Variants in SIK2 observed in about 807,000 individuals in gnomAD.
The protein encoded by SIK2 is serine/threonine-protein kinase SIK2.
Under a neutral mutation model 103.2 loss-of-function variants are expected in SIK2, and 29 were observed. The ratio of observed to expected loss-of-function variants is 0.28; its 90% CI spans 0.21 to 0.38. The LOEUF (loss-of-function observed/expected upper bound fraction) is 0.38. SIK2 is among the 10% of genes least tolerant of loss of function. SIK2 has a pLI of 1.00. For synonymous variants in SIK2, 412 were observed against 446.1 expected (o/e 0.92, Z 0.96); for missense variants, 879 against 1,171.0 (o/e 0.75, Z 3.64).
intron 3 of SIK2, among the ~76,000 whole-genome samples, chr11:111,660,788 A>G (rs528627674): frequency 2.0e-5 from 3 of 149,558 alleles, no homozygotes; most frequent in East Asian, 2.0e-4. Flanking sequence ...GTAAAGACAT[A>G]CTTTCCAAAA....
At position 111,723,853 on chromosome 11, in the gene SIK2, A is replaced by G; in HGVS notation, c.2505A>G (p.Pro835=). ...PPPPPPPPRQ[P]GAAPAPLQFS... ...CACCCCCTCCACCACCACGACAGCC[A>G]GGAGCTGCCCCAGCCCCCTTACAGT... is the stretch of plus-strand genomic sequence containing the variant. Residue 835 remains proline (P), a synonymous_variant, in exon 15 of 15, where the codon CCA becomes CCG. Transcript: ENST00000304987. The G allele has an allele frequency of 7.3e-7, 1 of 1,373,320 alleles. No individual in the cohort carries two copies. Among genetic ancestry groups the G allele is most frequent in the Non-Finnish European group, 9.7e-7 (1 of 1,028,576 alleles). 85.1% of individuals were successfully genotyped at this position (1,373,320 alleles called of 1,614,324 possible).
At chr11:111,664,909 C>G (rs1349840321) in intron 3 of SIK2, among the ~76,000 whole-genome samples, 1 of 152,076 alleles carries the variant, frequency 6.6e-6, no homozygotes, top group Non-Finnish European at 1.5e-5. Flanking sequence ...CTTTAGAGCA[C>G]TTTCAGGAAG....
intron 12 of SIK2, among the ~76,000 whole-genome samples, 172 bp from the exon 13 acceptor site, chr11:111,721,658 G>A (rs1372324792): frequency 6.6e-6 from 1 of 152,174 alleles, no homozygotes; most frequent in Non-Finnish European, 1.5e-5. Context: ...ATGCATAAAT[G>A]TTCTGCAGAG....
chr11:111,693,497 T>C (rs1378554493), intron 4 of SIK2, among the ~76,000 whole-genome samples: 2 of 152,216 alleles, frequency 1.3e-5, no homozygotes, highest in East Asian at 1.9e-4. Flanking sequence ...GTTTTAGTAA[T>C]TGCAGTACTA....
chr11:111,703,522 C>A, intron 7 of SIK2, 99 bp downstream of exon 7: 1 of 1,013,222 alleles, frequency 9.9e-7, no homozygotes, highest in South Asian at 1.4e-5. Context: ...GTATCTCCAG[C>A]GCCTAGGCGT....
chr11:111,726,975 C>T lies in SIK2; in HGVS notation c.*2846C>T. On this transcript the variant is annotated 3_prime_UTR_variant, in exon 15 of 15. Coordinates refer to ENST00000304987, the MANE Select transcript of SIK2 (RefSeq NM_015191.3). ...TTTAAATCTGGGGTATTAGTCTGTG[C>T]TTTGGGAGAAATGCACTAGCTCTGC... 2 of 1,613,808 alleles carry T rather than the reference C, an allele frequency of 1.2e-6. No individual in the cohort carries two copies. Among genetic ancestry groups the T allele is most frequent in the South Asian group, 1.1e-5 (1 of 91,084 alleles).
intron 3 of SIK2, among the ~76,000 whole-genome samples, chr11:111,666,350 A>C (rs1405822215): frequency 6.6e-6 from 1 of 152,112 alleles, no homozygotes; most frequent in East Asian, 1.9e-4. Flanking sequence ...AATTAATTGG[A>C]ATCTTTGTAG....
chr11:111,629,102 G>A (rs956066537), intron 3 of SIK2, among the ~76,000 whole-genome samples: 1 of 152,172 alleles, frequency 6.6e-6, no homozygotes, highest in Admixed American at 6.5e-5. Flanking sequence ...GTGAGAGGCT[G>A]AATGTTTGGG....
chr11:111,639,101 A>G (rs1377361761), intron 3 of SIK2, among the ~76,000 whole-genome samples: 1 of 152,212 alleles, frequency 6.6e-6, no homozygotes, highest in African/African-American at 2.4e-5. Flanking sequence ...AATGATCAGT[A>G]AACAGTCTCC....
intron 4 of SIK2, among the ~76,000 whole-genome samples, chr11:111,692,970 G>C (rs541889204): frequency 6.6e-6 from 1 of 152,148 alleles, no homozygotes; most frequent in South Asian, 2.1e-4. Flanking sequence ...ATCAAACATG[G>C]TTCATTTTAA....
chr11:111,657,369 T>G (rs1055230100), intron 3 of SIK2, among the ~76,000 whole-genome samples: 9 of 152,108 alleles, frequency 5.9e-5, no homozygotes, highest in African/African-American at 2.2e-4. Context: ...AATTAGAATA[T>G]ACTGGGGGTC....
At chr11:111,643,356 A>G (rs574926765) in intron 3 of SIK2, among the ~76,000 whole-genome samples, 1 of 152,138 alleles carries the variant, frequency 6.6e-6, no homozygotes, top group Non-Finnish European at 1.5e-5. Context: ...TAGCTAATGC[A>G]TGCAGGGCTT....
At chr11:111,623,181 T>C (rs948361205) in intron 3 of SIK2, among the ~76,000 whole-genome samples, 3 of 152,226 alleles carry the variant, frequency 2.0e-5, no homozygotes, top group Non-Finnish European at 4.4e-5. Flanking sequence ...ATTAATCCCA[T>C]CCAGTGTATT....
chr11:111,721,666 G>A (rs574943896), intron 12 of SIK2, among the ~76,000 whole-genome samples, 164 bp from the exon 13 acceptor site: 2 of 152,336 alleles, frequency 1.3e-5, no homozygotes, highest in Middle Eastern at 3.4e-3. Flanking sequence ...ATGTTCTGCA[G>A]AGTAATGAGC....
At chr11:111,658,681 C>A (rs1237221307) in intron 3 of SIK2, among the ~76,000 whole-genome samples, 1 of 151,798 alleles carries the variant, frequency 6.6e-6, no homozygotes, top group Non-Finnish European at 1.5e-5. Context: ...ATCAAGGATG[C>A]AGTGAGCCAT....
rs972996918 is a variant in SIK2, at chr11:111,606,362, C to T, written c.135+3664C>T. Among the ~76,000 whole-genome samples the T allele has an allele frequency of 4.6e-5, 7 of 152,032 alleles. No homozygotes were observed. The East Asian group carries it at 1.4e-3, about 29-fold the overall frequency. ...CAAAAAAGTATACATATAATTCCTC[C>T]ACTAATGGGAATAACCCATTCTTAA... is the stretch of plus-strand genomic sequence containing the variant. On this transcript the variant is annotated intron_variant, in intron 1 of 14. Coordinates refer to ENST00000304987, the MANE Select transcript of SIK2 (RefSeq NM_015191.3).
chr11:111,676,824 C>T (rs946268248), intron 3 of SIK2, among the ~76,000 whole-genome samples: 3 of 152,168 alleles, frequency 2.0e-5, no homozygotes, highest in African/African-American at 7.2e-5. Context: ...GTTCTTTAGA[C>T]TACATTTCTT....
intron 3 of SIK2, among the ~76,000 whole-genome samples, chr11:111,622,509 C>T (rs1414261895): frequency 6.6e-6 from 1 of 152,126 alleles, no homozygotes; most frequent in Non-Finnish European, 1.5e-5. Context: ...CCGCCTCAGC[C>T]TCCCAAAGTG....
rs963926942 is a variant in SIK2, at chr11:111,727,372, A to G, written c.*3243A>G. 58 of 407,128 alleles carry G rather than the reference A, an allele frequency of 1.4e-4. No individual in the cohort carries two copies. In the East Asian group the frequency reaches 1.7e-3, roughly 12 times the overall value. 25.2% of individuals were successfully genotyped at this position (407,128 alleles called of 1,614,324 possible). A position where few individuals can be genotyped will look rare whatever the true frequency, so the allele number is the denominator to read the frequency against. ...GTCAGTGGCCCTTTCTTCCTCAGAT[A>G]TCAAGAACTCCCAAGTGTTTAAACC... On this transcript the variant is annotated 3_prime_UTR_variant, in exon 15 of 15. Coordinates refer to ENST00000304987, the MANE Select transcript of SIK2 (RefSeq NM_015191.3).
Sources: gnomAD v4.1 joint callset for allele counts (sites outside exome capture counted in the v4.1 genomes callset) on GRCh38, gnomAD v4.1.1 for gene constraint, MANE v1.5 for transcripts, NCBI Gene and HGNC (gene_info 2026-07-23, HGNC 2026-07-21) for gene names.